The following DIP2B variants were observed in gnomAD, a reference collection of about 807,000 sequenced individuals.
DIP2B encodes the protein DIP2 acetate--CoA ligase B (putative), also known as disco-interacting protein 2 homolog B.
In DIP2B, 76 loss-of-function variants were observed where a neutral mutation model predicts 198.0. That is an observed-to-expected ratio of 0.38 (90% CI 0.32 to 0.46). The LOEUF (loss-of-function observed/expected upper bound fraction) is 0.46. Among genes scored for constraint, DIP2B ranks in the 20% least tolerant of loss-of-function variants. The probability of loss-of-function intolerance (pLI) is 0.99; values close to 1 mark genes in which losing one functional copy is unlikely to be tolerated. For synonymous variants in DIP2B, 701 were observed against 739.1 expected, an observed-to-expected ratio of 0.95 and a Z score of 0.84; for missense variants, 1,559 against 1,978.4, an observed-to-expected ratio of 0.79 and a Z score of 4.02.
chr12:50,539,192 CT>C (rs1265445385), intron 1 of DIP2B, among the ~76,000 whole-genome samples: 6 of 149,454 alleles, frequency 4.0e-5, no homozygotes. Flanking sequence ...TGTCTTTTCT[CT>C]TTCATCCCGT....
chr12:50,627,943 T>C (rs1937967558), intron 2 of DIP2B, among the ~76,000 whole-genome samples: 1 of 152,336 alleles, frequency 6.6e-6, no homozygotes, highest in East Asian at 1.9e-4. Flanking sequence ...ACAGTCCTTC[T>C]ACCTATGCTT....
intron 1 of DIP2B, among the ~76,000 whole-genome samples, chr12:50,527,347 G>A (rs1207160140): frequency 6.6e-6 from 1 of 152,138 alleles, no homozygotes; most frequent in Non-Finnish European, 1.5e-5. Flanking sequence ...GTTATCTCAG[G>A]TCTCTTTGAC....
chr12:50,639,847 T>A (rs1391608176), intron 2 of DIP2B, among the ~76,000 whole-genome samples: 2 of 152,202 alleles, frequency 1.3e-5, no homozygotes, highest in East Asian at 3.8e-4. Context: ...GAACAAATAC[T>A]GCATGATTCC....
chr12:50,577,548 TAAAAA>T (rs569188099), intron 1 of DIP2B, among the ~76,000 whole-genome samples: 2 of 150,638 alleles, frequency 1.3e-5, no homozygotes, highest in African/African-American at 2.4e-5. Flanking sequence ...ATAAAAAAAA[TAAAAA>T]AAAGTAAAAC....
At chr12:50,675,241 C>T in intron 6 of DIP2B, 88 bp from the exon 7 acceptor site, 1 of 1,511,310 alleles carries the variant, frequency 6.6e-7, no homozygotes, top group Non-Finnish European at 8.9e-7. Flanking sequence ...GCCAAACATC[C>T]TTAGAAATAA....
intron 1 of DIP2B, among the ~76,000 whole-genome samples, chr12:50,531,646 A>G (rs2139364189): frequency 6.6e-6 from 1 of 152,288 alleles, no homozygotes; most frequent in Admixed American, 6.5e-5. Context: ...CAGCCTGTTG[A>G]AAGTGGATAA....
chr12:50,704,223 A>G lies in DIP2B; in HGVS notation c.2406+3A>G. 1 of 1,608,970 alleles carries G rather than the reference A, an allele frequency of 6.2e-7. No individual in the cohort carries two copies. Among genetic ancestry groups the G allele is most frequent in the South Asian group, 1.1e-5 (1 of 89,714 alleles). ...GATTGCTGGGGTTTGTAGGGCCGGTAAGTGATGCTTTCATGTTGATTTTGT... is the reference window on the plus strand; with the variant it reads ...GATTGCTGGGGTTTGTAGGGCCGGTGAGTGATGCTTTCATGTTGATTTTGT... On this transcript the variant is annotated splice_donor_region_variant and intron_variant, in intron 20 of 37. Coordinates refer to ENST00000301180, the MANE Select transcript of DIP2B (RefSeq NM_173602.3).
intron 1 of DIP2B, among the ~76,000 whole-genome samples, chr12:50,512,154 T>A (rs1348808172): frequency 2.8e-5 from 4 of 144,920 alleles, no homozygotes; most frequent in Non-Finnish European, 6.0e-5. Flanking sequence ...TCCCCCAGGC[T>A]GGAGTACAGT....
intron 23 of DIP2B, among the ~76,000 whole-genome samples, chr12:50,715,410 T>C (rs563735384): frequency 1.3e-5 from 2 of 152,288 alleles, no homozygotes; most frequent in East Asian, 3.9e-4. Flanking sequence ...GACCAGCAGC[T>C]ACCTGGGCCG....
At chr12:50,568,864 A>G (rs1958589660) in intron 1 of DIP2B, among the ~76,000 whole-genome samples, 1 of 152,228 alleles carries the variant, frequency 6.6e-6, no homozygotes, top group Admixed American at 6.5e-5. Flanking sequence ...CAAGCTTTGT[A>G]TAAATGATGT....
At position 50,731,505 on chromosome 12, in the gene DIP2B, A is replaced by G; in HGVS notation, c.3778A>G (p.Lys1260Glu). Reference sequence around the variant, plus strand: ...CTATTCAGTGATGGAGCTCTGCACCAAAGGTCTTGGGAACCAAGTGGAAGT... The same window carrying G: ...CTATTCAGTGATGGAGCTCTGCACCGAAGGTCTTGGGAACCAAGTGGAAGT... ...CSYSVMELCTKGLGNQVEVLK... is the reference protein window; with the variant it reads ...CSYSVMELCTEGLGNQVEVLK... The change falls in exon 31 of 38, where the codon AAA becomes GAA. Residue 1260 changes from lysine (K) to glutamate (E), a missense_variant. By Grantham distance (56) the Lys-to-Glu change is moderately conservative (BLOSUM62 1). Transcript: ENST00000301180. 6.2e-7 allele frequency: 1 copy of G among 1,613,946 alleles called. No homozygotes were observed. The highest frequency in any genetic ancestry group is 8.5e-7 in the Non-Finnish European group (1 of 1,179,880).
chr12:50,676,081 A>G (rs1938940497), intron 7 of DIP2B, among the ~76,000 whole-genome samples: 1 of 152,332 alleles, frequency 6.6e-6, no homozygotes, highest in South Asian at 2.1e-4. Context: ...GAGGAAGTGT[A>G]ACAGTGATTT....
chr12:50,745,093 T>G lies in DIP2B; in HGVS notation c.*254T>G, dbSNP rs1940324602. ...GCAGCACATTACTAAAGCAATTACA[T>G]GCATGTTGCATTTTTTTCATCTGTT... On this transcript the variant is annotated 3_prime_UTR_variant, in exon 38 of 38. Coordinates refer to ENST00000301180, the MANE Select transcript of DIP2B (RefSeq NM_173602.3). 4 of 475,978 alleles carry G rather than the reference T, an allele frequency of 8.4e-6. No individual in the cohort carries two copies. The highest frequency in any genetic ancestry group is 3.6e-5 in the Admixed American group (1 of 27,818). The allele number at this position is 475,978 out of a possible 1,614,324, so 29.5% of individuals were successfully genotyped here. A position where few individuals can be genotyped will look rare whatever the true frequency, so the allele number is the denominator to read the frequency against.
chr12:50,620,950 A>G (rs1292255363), intron 1 of DIP2B, among the ~76,000 whole-genome samples: 1 of 152,092 alleles, frequency 6.6e-6, no homozygotes, highest in Non-Finnish European at 1.5e-5. Flanking sequence ...TGGCTTTAGG[A>G]CTCATTGGAA....
intron 3 of DIP2B, 104 bp from the exon 4 acceptor site, chr12:50,660,090 C>CTTT (rs79472721): frequency 1.7e-5 from 16 of 924,778 alleles, no homozygotes; most frequent in South Asian, 7.3e-5. Context: ...TCCCCTTTAC[C>CTTT]TTTTTTTTTT....
chr12:50,540,715 A>AT (rs1213912726), intron 1 of DIP2B, among the ~76,000 whole-genome samples: 6 of 150,942 alleles, frequency 4.0e-5, no homozygotes, highest in Non-Finnish European at 8.9e-5. Flanking sequence ...CGCCCGGCTA[A>AT]TTTTTTGTAT....
At chr12:50,726,296 G>C (rs552797766) in intron 28 of DIP2B, among the ~76,000 whole-genome samples, 6 of 152,176 alleles carry the variant, frequency 3.9e-5, no homozygotes, top group South Asian at 2.1e-4. Flanking sequence ...AAGCACATGG[G>C]GGGAAGCAGA....
rs1003582491 is a variant in DIP2B at position 50,671,360 on chromosome 12, G to C, written c.602G>C (p.Ser201Thr). 6.2e-7 allele frequency: 1 copy of C among 1,614,184 alleles called. No homozygotes were observed. Among genetic ancestry groups the C allele is most frequent in the Admixed American group, 1.7e-5 (1 of 60,024 alleles). Residue 201 changes from serine to threonine, a missense_variant, in exon 5 of 38, where the codon AGT becomes ACT. Transcript: ENST00000301180. ...TCCCACGGAGAGGTCAAAGGAACCA[G>C]TGGGTCTCTAGCTGATGTATTTGCC... ...TLSHGEVKGT[S>T]GSLADVFANT...
intron 22 of DIP2B, among the ~76,000 whole-genome samples, chr12:50,709,214 A>G (rs1248879014): frequency 6.6e-6 from 1 of 152,222 alleles, no homozygotes; most frequent in African/African-American, 2.4e-5. Context: ...GGATAAAATT[A>G]TCTGTTTTAT....
Sources: gnomAD v4.1 joint callset for allele counts (sites outside exome capture counted in the v4.1 genomes callset) on GRCh38, gnomAD v4.1.1 for gene constraint, MANE v1.5 for transcripts, NCBI Gene and HGNC (gene_info 2026-07-23, HGNC 2026-07-21) for gene names.